GCFC2: variants seen among roughly 807,000 people sequenced by gnomAD.
GCFC2 encodes intron Large complex component GCFC2.
A neutral mutation model predicts 99.4 loss-of-function variants in GCFC2; 102 were observed. The observed-to-expected ratio is 1.03, with a 90% CI of 0.87 to 1.21. The LOEUF (loss-of-function observed/expected upper bound fraction) is 1.21. GCFC2 is among the 50% of genes most tolerant of loss of function. GCFC2 has a pLI of 0.00. For missense variants in GCFC2, 973 were observed against 920.9 expected (o/e 1.06, Z -0.73); for synonymous variants, 338 against 316.8 (o/e 1.07, Z -0.71).
At chr2:75,673,579 A>C in intron 12 of GCFC2, 59 bp from the exon 13 acceptor site, 1 of 764,092 alleles carries the variant, frequency 1.3e-6, no homozygotes, top group Non-Finnish European at 2.3e-6. Context: ...TTTACCAAAA[A>C]AAAAGTAATT....
chr2:75,675,741 C>CAA (rs1206357027), intron 12 of GCFC2, among the ~76,000 whole-genome samples: 14,446 of 69,994 alleles, frequency 0.21, 2,132 homozygotes, highest in African/African-American at 0.39. Flanking sequence ...AAGGTTCTGT[C>CAA]AAAAAAAAAA....
intron 1 of GCFC2, chr2:75,710,314 C>G (rs1418014442): frequency 9.7e-6 from 5 of 515,364 alleles, no homozygotes; most frequent in African/African-American, 6.0e-5. Flanking sequence ...TTAGTTATAA[C>G]TGATGGAGTC....
chr2:75,685,236 C>T (rs917787438), intron 11 of GCFC2, among the ~76,000 whole-genome samples: 7 of 152,124 alleles, frequency 4.6e-5, no homozygotes, highest in African/African-American at 1.7e-4. Flanking sequence ...CCCCCTTAGC[C>T]CTACTTCCTC....
At chr2:75,697,790 G>C (rs1334626656) in intron 4 of GCFC2, 1 of 152,264 alleles carries the variant, frequency 6.6e-6, no homozygotes, top group Non-Finnish European at 1.5e-5. Flanking sequence ...AGGGAATTTT[G>C]GGACACAAGA....
At chr2:75,690,885 T>C (rs539998215) in intron 7 of GCFC2, 166 bp from the exon 8 acceptor site, 1 of 516,922 alleles carries the variant, frequency 1.9e-6, no homozygotes, top group South Asian at 2.6e-5. Context: ...CAATGTTAAC[T>C]CTTTATTGCA....
At chr2:75,712,323 GTTT>G (rs1236685202), upstream of GCFC2, among the ~76,000 whole-genome samples, 2 of 152,126 alleles carry the variant, frequency 1.3e-5, no homozygotes, top group African/African-American at 4.8e-5. Context: ...TTAGCTCAAG[GTTT>G]GTGAGTGCAC....
chr2:75,710,722 G>GA lies in GCFC2; in HGVS notation c.133_134insT (p.Pro45LeufsTer50). The GA allele has an allele frequency of 1.3e-6, 2 of 1,553,310 alleles. No individual in the cohort carries two copies. The highest frequency in any genetic ancestry group is 1.7e-6 in the Non-Finnish European group (2 of 1,154,194). ...CTGCGCGCGGCCTCCTCCAGAGGGC[G>GA]GCTCTTCCTCCGCAGAACCCGGGAC... On this transcript the variant is annotated frameshift_variant, in exon 1 of 17. Coordinates refer to ENST00000321027, the MANE Select transcript of GCFC2 (RefSeq NM_003203.5). LOFTEE classifies it high-confidence loss of function.
chr2:75,700,283 A>G (rs1348787121), intron 4 of GCFC2, among the ~76,000 whole-genome samples: 1 of 152,184 alleles, frequency 6.6e-6, no homozygotes, highest in Admixed American at 6.5e-5. Context: ...CAAAACTATT[A>G]TTTGTGTATG....
At chr2:75,709,394 C>A (rs1681015056) in intron 1 of GCFC2, among the ~76,000 whole-genome samples, 1 of 152,016 alleles carries the variant, frequency 6.6e-6, no homozygotes, top group Admixed American at 6.5e-5. Flanking sequence ...CAAGAAAGAC[C>A]AAGAAATCAC....
intron 15 of GCFC2, among the ~76,000 whole-genome samples, chr2:75,666,885 T>G (rs888002753): frequency 4.6e-5 from 7 of 152,100 alleles, no homozygotes; most frequent in African/African-American, 1.4e-4. Context: ...TCAGAGTAAC[T>G]CACCAGACCA....
At chr2:75,675,199 G>GA (rs1679280682) in intron 12 of GCFC2, among the ~76,000 whole-genome samples, 2 of 152,146 alleles carry the variant, frequency 1.3e-5, no homozygotes, top group Non-Finnish European at 2.9e-5. Flanking sequence ...TAAATTTACT[G>GA]AAATTGCTAA....
chr2:75,688,899 A>G, intron 10 of GCFC2, 127 bp downstream of exon 10: 1 of 588,444 alleles, frequency 1.7e-6, no homozygotes, highest in Non-Finnish European at 3.0e-6. Flanking sequence ...TTTTCTGACT[A>G]TTGTTCCAAA....
chr2:75,680,714 A>ATC (rs777656711), intron 11 of GCFC2, among the ~76,000 whole-genome samples: 5 of 152,002 alleles, frequency 3.3e-5, no homozygotes, highest in Non-Finnish European at 5.9e-5. Context: ...CCTCTCCGTT[A>ATC]TCTCTCTCTC....
At chr2:75,688,007 GA>G in intron 10 of GCFC2, 30 bp from the exon 11 acceptor site, 5 of 1,389,232 alleles carry the variant, frequency 3.6e-6, no homozygotes, top group Non-Finnish European at 5.0e-6. Context: ...AAGTTATAAA[GA>G]AATCTTTCAA....
Position 75,696,290 on chromosome 2 carries a change from C to A in GCFC2, c.743G>T (p.Gly248Val), listed in dbSNP as rs1558747682. 1 of 1,417,750 alleles carries A rather than the reference C, an allele frequency of 7.1e-7. No homozygotes were observed. Among genetic ancestry groups the A allele is most frequent in the Non-Finnish European group, 1.0e-6 (1 of 1,003,544 alleles). The allele number at this position is 1,417,750 out of a possible 1,614,324, so 87.8% of individuals were successfully genotyped here. A position where few individuals can be genotyped will look rare whatever the true frequency, so the allele number is the denominator to read the frequency against. The change falls in exon 5 of 17, where the codon GGC (glycine) becomes GTC (valine). Residue 248 changes from glycine (G) to valine (V), a missense_variant. Physicochemically the swap from Gly to Val is moderately radical, Grantham distance 109. Transcript: ENST00000321027. ...IEERDIDLSC[G>V]NGSSKVKKFD... ...TTTCTTCACTTTTGAAGATCCATTG[C>A]CACAGGAAAGATCTATGTCTCTTTC...
chr2:75,673,043 G>A (rs914869265), intron 13 of GCFC2, among the ~76,000 whole-genome samples: 1 of 152,226 alleles, frequency 6.6e-6, no homozygotes, highest in Non-Finnish European at 1.5e-5. Flanking sequence ...GGGCGCGGTG[G>A]CTCACGCCTG....
At chr2:75,707,139 G>C (rs551990162) in intron 1 of GCFC2, among the ~76,000 whole-genome samples, 1 of 152,270 alleles carries the variant, frequency 6.6e-6, no homozygotes, top group African/African-American at 2.4e-5. Context: ...GGAGAAGCAG[G>C]GCTGTCAACC....
At chr2:75,688,466 T>G (rs1679915271) in intron 10 of GCFC2, among the ~76,000 whole-genome samples, 1 of 152,262 alleles carries the variant, frequency 6.6e-6, no homozygotes, top group East Asian at 1.9e-4. Flanking sequence ...ATACTTCTTT[T>G]TTTTTCTTTT....
chr2:75,706,292 A>G (rs1680860371), intron 2 of GCFC2, among the ~76,000 whole-genome samples: 1 of 152,234 alleles, frequency 6.6e-6, no homozygotes, highest in Non-Finnish European at 1.5e-5. Context: ...GTGATTAAGA[A>G]GAATACAGGC....
Sources: allele counts gnomAD v4.1 joint callset (sites outside exome capture counted in the v4.1 genomes callset), GRCh38; gene constraint gnomAD v4.1.1; transcripts MANE v1.5; gene names NCBI Gene and HGNC (gene_info 2026-07-23, HGNC 2026-07-21).